NALCN: variants seen among roughly 807,000 people sequenced by gnomAD.
The protein encoded by NALCN is sodium leak channel, non-selective.
A neutral mutation model predicts 225.3 loss-of-function variants in NALCN; 111 were observed. The ratio of observed to expected loss-of-function variants is 0.49; its 90% CI spans 0.42 to 0.58. The LOEUF (loss-of-function observed/expected upper bound fraction) is 0.58, where lower values mean the gene tolerates loss of function less well. NALCN is among the 20% of genes least tolerant of loss of function. The pLI is 0.00. For missense variants in NALCN, 1,378 were observed against 2,202.4 expected (o/e 0.63, Z 7.49); for synonymous variants, 764 against 769.0 (o/e 0.99, Z 0.11).
chr13:101,139,694 T>G (rs889319516), intron 17 of NALCN, among the ~76,000 whole-genome samples: 3 of 152,254 alleles, frequency 2.0e-5, no homozygotes, highest in African/African-American at 7.2e-5. Flanking sequence ...AATGGAAATT[T>G]CTAAGTGCTC....
Position 101,229,596 on chromosome 13 carries a change from G to C in NALCN, c.1435-12C>G. Reference sequence around the variant, plus strand: ...ACTACTCGGAGAACCTATCAAGGGAGAGAGAAACATTTATTTACACATATG... The same window carrying C: ...ACTACTCGGAGAACCTATCAAGGGACAGAGAAACATTTATTTACACATATG... On this transcript the variant is annotated splice_polypyrimidine_tract_variant and intron_variant, in intron 12 of 43. Coordinates refer to ENST00000251127, the MANE Select transcript of NALCN (RefSeq NM_052867.4). The C allele has an allele frequency of 6.5e-7, 1 of 1,535,450 alleles. No homozygotes were observed.
intron 27 of NALCN, among the ~76,000 whole-genome samples, chr13:101,096,770 C>T (rs546142400): frequency 6.6e-6 from 1 of 152,254 alleles, no homozygotes; most frequent in East Asian, 1.9e-4. Context: ...AATTAAACAT[C>T]TATAGGAAGT....
intron 18 of NALCN, among the ~76,000 whole-genome samples, chr13:101,113,891 A>G (rs1566828292): frequency 6.6e-6 from 1 of 152,198 alleles, no homozygotes; most frequent in Non-Finnish European, 1.5e-5. Context: ...GGACCACTTT[A>G]TCACTCAGCC....
intron 6 of NALCN, among the ~76,000 whole-genome samples, chr13:101,364,227 T>C (rs1162215641): frequency 1.3e-5 from 2 of 152,032 alleles, no homozygotes; most frequent in African/African-American, 4.8e-5. Flanking sequence ...TGGGTATATA[T>C]CCAAAAGGGA....
At chr13:101,318,352 C>A (rs1329572988) in intron 7 of NALCN, among the ~76,000 whole-genome samples, 2 of 152,180 alleles carry the variant, frequency 1.3e-5, no homozygotes, top group African/African-American at 2.4e-5. Context: ...GCTCTGGGAA[C>A]TGGCATGGGC....
At chr13:101,123,370 G>T (rs974653819) in intron 18 of NALCN, among the ~76,000 whole-genome samples, 1 of 152,176 alleles carries the variant, frequency 6.6e-6, no homozygotes, top group African/African-American at 2.4e-5. Flanking sequence ...CCTTGCTGTA[G>T]GACCCTACCA....
rs184053152 is a variant in NALCN at position 101,156,138 on chromosome 13, C to T, written c.1840-11242G>A. On this transcript the variant is annotated intron_variant, in intron 15 of 43. Coordinates refer to ENST00000251127, the MANE Select transcript of NALCN (RefSeq NM_052867.4). ...TTTGGCCACTGGGGGCACTTTCAGT[C>T]GGCTTCTCTAGTCTTCAGACATACT... Among the ~76,000 whole-genome samples, 11 of 152,214 alleles carry T rather than the reference C, an allele frequency of 7.2e-5. No homozygotes were observed. The East Asian group carries it at 1.5e-3, about 21-fold the overall frequency.
At chr13:101,320,941 G>A (rs2044725623) in intron 7 of NALCN, among the ~76,000 whole-genome samples, 1 of 152,114 alleles carries the variant, frequency 6.6e-6, no homozygotes, top group Non-Finnish European at 1.5e-5. Flanking sequence ...AAAGGGCAAT[G>A]AGATTTGCCA....
intron 11 of NALCN, among the ~76,000 whole-genome samples, chr13:101,255,827 A>G (rs1205441182): frequency 5.9e-5 from 9 of 152,100 alleles, no homozygotes; most frequent in Non-Finnish European, 8.8e-5. Context: ...AGCCCTTTCT[A>G]GTAGAACATG....
At chr13:101,093,399 T>A (rs1566804775) in intron 28 of NALCN, among the ~76,000 whole-genome samples, 1 of 152,204 alleles carries the variant, frequency 6.6e-6, no homozygotes, top group African/African-American at 2.4e-5. Flanking sequence ...ATTAGCTTAC[T>A]TAAGAAGGAA....
intron 18 of NALCN, among the ~76,000 whole-genome samples, chr13:101,122,831 C>G (rs952134805): frequency 6.6e-6 from 1 of 152,108 alleles, no homozygotes; most frequent in African/African-American, 2.4e-5. Flanking sequence ...TTTCTAAGGC[C>G]TAATCTAAGG....
chr13:101,252,638 A>G (rs1330573892), intron 11 of NALCN, among the ~76,000 whole-genome samples: 1 of 152,168 alleles, frequency 6.6e-6, no homozygotes, highest in Non-Finnish European at 1.5e-5. Context: ...TGGGGTATGT[A>G]GCACAGAGTC....
At position 101,413,684 on chromosome 13, in the gene NALCN, G is replaced by A. The variant is rs2139566977; in HGVS notation, c.-40+2629C>T. On this transcript the variant is annotated intron_variant, in intron 1 of 43. Transcript: ENST00000251127. ...CTGTCTTCGGTTATTAAAACTAGCT[G>A]TTTACTCTTTTTTCTCTATCATTCT... 1.3e-5 allele frequency among the ~76,000 whole-genome samples: 2 copies of A among 152,078 alleles called. 1 individual carries two copies. The highest frequency in any genetic ancestry group is 6.8e-3 in the Middle Eastern group (2 of 294).
chr13:101,264,136 CCTAT>C lies in NALCN; in HGVS notation c.1135-5566_1135-5563del, dbSNP rs144213981. On this transcript the variant is annotated intron_variant, in intron 10 of 43. Coordinates refer to ENST00000251127, the MANE Select transcript of NALCN (RefSeq NM_052867.4). ...TATGGATGCATGATCTATCCCTCTACCTATCTATGTAGACAGATGAACACATACA... is the reference window on the plus strand; with the variant it reads ...TATGGATGCATGATCTATCCCTCTACCTATGTAGACAGATGAACACATACA... Among the ~76,000 whole-genome samples the C allele has an allele frequency of 1.1e-3, 164 of 152,222 alleles. No homozygotes were observed. In the East Asian group the frequency reaches 0.025, roughly 23 times the overall value.
At chr13:101,230,848 G>C (rs1319956307) in intron 12 of NALCN, among the ~76,000 whole-genome samples, 1 of 152,148 alleles carries the variant, frequency 6.6e-6, no homozygotes, top group Non-Finnish European at 1.5e-5. Context: ...ATATGTGTGT[G>C]TGTATATATT....
chr13:101,144,996 A>G, intron 15 of NALCN, 100 bp from the exon 16 acceptor site: 3 of 1,322,368 alleles, frequency 2.3e-6, no homozygotes, highest in Non-Finnish European at 3.0e-6. Flanking sequence ...AAGTAATTAC[A>G]TGAAATGCCA....
At chr13:101,210,501 T>A (rs575747309) in intron 13 of NALCN, among the ~76,000 whole-genome samples, 29 of 152,228 alleles carry the variant, frequency 1.9e-4, no homozygotes, top group African/African-American at 7.0e-4. Context: ...TGTCGGTTTG[T>A]CTTATTTTTC....
intron 17 of NALCN, among the ~76,000 whole-genome samples, chr13:101,135,714 G>A (rs1245369448): frequency 6.6e-6 from 1 of 152,196 alleles, no homozygotes; most frequent in Non-Finnish European, 1.5e-5. Flanking sequence ...ACACAAGGAA[G>A]CAGGACTTGG....
chr13:101,355,824 A>G (rs981867216), intron 6 of NALCN, among the ~76,000 whole-genome samples: 2 of 152,208 alleles, frequency 1.3e-5, no homozygotes, highest in Non-Finnish European at 2.9e-5. Flanking sequence ...GCAAATGCAA[A>G]AGAACTGAAC....
Sources: allele counts gnomAD v4.1 joint callset (sites outside exome capture counted in the v4.1 genomes callset), GRCh38; gene constraint gnomAD v4.1.1; transcripts MANE v1.5; gene names NCBI Gene and HGNC (gene_info 2026-07-23, HGNC 2026-07-21).